QTMAN: variants seen among roughly 807,000 people sequenced by gnomAD.
QTMAN encodes the protein tRNA-queuosine alpha-mannosyltransferase.
the QTMAN span, chr2:144,177,221 A>G: frequency 1.4e-6 from 1 of 701,198 alleles, no homozygotes; most frequent in East Asian, 2.7e-5. Flanking sequence ...TCAACATGTG[A>G]AGACATCAAT....
At chr2:144,259,687 T>A in the QTMAN span, among the ~76,000 whole-genome samples, 1 of 152,194 alleles carries the variant, frequency 6.6e-6, no homozygotes, top group African/African-American at 2.4e-5. Context: ...ACAAAATTGT[T>A]ATTTTATAAT....
chr2:144,300,476 G>A, the QTMAN span, among the ~76,000 whole-genome samples: 1 of 152,112 alleles, frequency 6.6e-6, no homozygotes, highest in African/African-American at 2.4e-5. Context: ...GTGTACAGAT[G>A]TTTATCACAG....
chr2:144,167,490 CAT>C, the QTMAN span, among the ~76,000 whole-genome samples: 3 of 152,158 alleles, frequency 2.0e-5, no homozygotes, highest in Admixed American at 6.6e-5. Flanking sequence ...ATAATCCCCA[CAT>C]GTCAAGGGTG....
the QTMAN span, chr2:144,007,281 T>C: frequency 6.2e-7 from 1 of 1,613,264 alleles, no homozygotes; most frequent in Non-Finnish European, 8.5e-7. Context: ...ATTTTCACCA[T>C]GATGAGAGCT....
At chr2:144,029,286 A>G in the QTMAN span, among the ~76,000 whole-genome samples, 1 of 152,342 alleles carries the variant, frequency 6.6e-6, no homozygotes, top group South Asian at 2.1e-4. Flanking sequence ...GGTTATCATT[A>G]TTAGAGGGAG....
At chr2:144,320,268 A>C in the QTMAN span, among the ~76,000 whole-genome samples, 7 of 152,168 alleles carry the variant, frequency 4.6e-5, no homozygotes, top group Non-Finnish European at 8.8e-5. Context: ...ATAAAGACTA[A>C]AATAGTTACT....
At chr2:144,168,885 A>G in the QTMAN span, among the ~76,000 whole-genome samples, 1,520 of 152,188 alleles carry the variant, frequency 1.0e-2, 28 homozygotes, top group African/African-American at 0.033. Context: ...CTGAAACTTC[A>G]TCATTAAGTA....
the QTMAN span, among the ~76,000 whole-genome samples, chr2:144,114,887 A>G: frequency 6.6e-6 from 1 of 152,180 alleles, no homozygotes; most frequent in African/African-American, 2.4e-5. Context: ...TACTGCAGGC[A>G]TATGTTAAGG....
the QTMAN span, among the ~76,000 whole-genome samples, chr2:144,202,201 A>C: frequency 2.0e-5 from 3 of 152,222 alleles, no homozygotes; most frequent in Non-Finnish European, 2.9e-5. Context: ...GAAAACAAGA[A>C]AGCATGAAAG....
the QTMAN span, among the ~76,000 whole-genome samples, chr2:144,100,915 G>C: frequency 7.4e-6 from 1 of 134,344 alleles, no homozygotes; most frequent in African/African-American, 2.9e-5. Context: ...TGTCGCCCAG[G>C]CTGGACTGCA....
At chr2:143,997,994 T>C in the QTMAN span, among the ~76,000 whole-genome samples, 2 of 152,018 alleles carry the variant, frequency 1.3e-5, no homozygotes, top group Non-Finnish European at 2.9e-5. Flanking sequence ...TATCAACTCA[T>C]GTCATTTCAA....
At chr2:144,056,735 T>C in the QTMAN span, among the ~76,000 whole-genome samples, 1 of 151,974 alleles carries the variant, frequency 6.6e-6, no homozygotes, top group African/African-American at 2.4e-5. Flanking sequence ...ATAAGGAGAG[T>C]GAAGTCTACA....
the QTMAN span, among the ~76,000 whole-genome samples, chr2:144,133,247 A>ATATATATTTATATT: frequency 2.5e-4 from 13 of 52,594 alleles, no homozygotes; most frequent in Non-Finnish European, 3.4e-4. Context: ...TTATATATAA[A>ATATATATTTATATT]TATATATAAA....
At chr2:144,255,542 T>C in the QTMAN span, among the ~76,000 whole-genome samples, 4,069 of 152,260 alleles carry the variant, frequency 0.027, 173 homozygotes, top group African/African-American at 0.093. Context: ...CATAGCAGCA[T>C]GAGAGTGAAC....
At chr2:144,027,855 G>T in the QTMAN span, among the ~76,000 whole-genome samples, 2 of 152,108 alleles carry the variant, frequency 1.3e-5, no homozygotes, top group African/African-American at 2.4e-5. Flanking sequence ...CTTTTTCTAT[G>T]ATCAACACTG....
the QTMAN span, among the ~76,000 whole-genome samples, chr2:144,032,465 A>C: frequency 6.6e-6 from 1 of 152,250 alleles, no homozygotes; most frequent in Non-Finnish European, 1.5e-5. Flanking sequence ...AAAGGATAAA[A>C]GATTTGCTCA....
the QTMAN span, among the ~76,000 whole-genome samples, chr2:144,052,582 T>C: frequency 6.6e-6 from 1 of 152,232 alleles, no homozygotes; most frequent in African/African-American, 2.4e-5. Flanking sequence ...GCCACATAGC[T>C]AGTAAATCAT....
chr2:144,290,453 C>T, the QTMAN span, among the ~76,000 whole-genome samples: 125 of 152,328 alleles, frequency 8.2e-4, 2 homozygotes, highest in Admixed American at 7.6e-3. Context: ...GGTCTCTCTA[C>T]CTTATCCCCA....
At chr2:144,263,028 G>C in the QTMAN span, among the ~76,000 whole-genome samples, 1 of 146,914 alleles carries the variant, frequency 6.8e-6, no homozygotes, top group South Asian at 2.2e-4. Flanking sequence ...GGAGGGGAGG[G>C]AAGAATATGG....
Sources: gnomAD v4.1 joint callset for allele counts (sites outside exome capture counted in the v4.1 genomes callset) on GRCh38, gnomAD v4.1.1 for gene constraint, MANE v1.5 for transcripts, NCBI Gene and HGNC (gene_info 2026-07-23, HGNC 2026-07-21) for gene names.